CMIP: variants seen among roughly 807,000 people sequenced by gnomAD.
The protein encoded by CMIP is C-Maf-inducing protein.
A neutral mutation model predicts 97.3 loss-of-function variants in CMIP; 13 were observed. The observed-to-expected ratio is 0.13, with a 90% CI of 0.09 to 0.21. CMIP has a LOEUF of 0.21. CMIP is among the 10% of genes least tolerant of loss of function. The probability of loss-of-function intolerance (pLI) is 1.00; values close to 1 mark genes in which losing one functional copy is unlikely to be tolerated. For missense variants in CMIP, 847 were observed against 1,024.9 expected, an observed-to-expected ratio of 0.83 and a Z score of 2.37; for synonymous variants, 538 against 436.3, an observed-to-expected ratio of 1.23 and a Z score of -2.91.
intron 3 of CMIP, among the ~76,000 whole-genome samples, chr16:81,629,106 A>G (rs12934976): frequency 0.057 from 7,439 of 130,264 alleles, 239 homozygotes; most frequent in South Asian, 0.091. Flanking sequence ...ACTATACTCC[A>G]GCCTGGGTGA....
intron 8 of CMIP, among the ~76,000 whole-genome samples, chr16:81,671,693 G>A (rs539638832): frequency 6.6e-6 from 1 of 152,190 alleles, no homozygotes; most frequent in Non-Finnish European, 1.5e-5. Context: ...GAGAGTTTAG[G>A]AGGTTTCCAA....
At position 81,661,039 on chromosome 16, in the gene CMIP, C is replaced by G. The variant is rs1388289242; in HGVS notation, c.744+93C>G. On this transcript the variant is annotated intron_variant, in intron 6 of 20. Transcript: ENST00000537098. ...TGGGTTTGCACAGAAAGGCCAAAAA[C>G]CTGGGCCCCACCGTCTTGGGTCACG... is the stretch of plus-strand genomic sequence containing the variant. The G allele has an allele frequency of 2.7e-6, 4 of 1,501,144 alleles. No individual in the cohort carries two copies. In the African/African-American group the frequency reaches 5.5e-5, roughly 21 times the overall value. 93.0% of individuals were successfully genotyped at this position (1,501,144 alleles called of 1,614,324 possible).
chr16:81,513,894 C>T (rs1204060556), intron 1 of CMIP, among the ~76,000 whole-genome samples: 1 of 152,230 alleles, frequency 6.6e-6, no homozygotes, highest in Non-Finnish European at 1.5e-5. Flanking sequence ...ATTTGCTGCG[C>T]TTCCCTCAGC....
Position 81,543,032 on chromosome 16 carries a change from C to T in CMIP, c.301-64535C>T, listed in dbSNP as rs539266132. Among the ~76,000 whole-genome samples the T allele has an allele frequency of 2.0e-5, 3 of 152,320 alleles. No individual in the cohort carries two copies. In the East Asian group the frequency reaches 5.8e-4, roughly 29 times the overall value. On this transcript the variant is annotated intron_variant, in intron 1 of 20. Coordinates refer to ENST00000537098, the MANE Select transcript of CMIP (RefSeq NM_198390.3). ...GCGAGAGGCCGCTTGGGAGCCAGTC[C>T]GTTCCACGGGGTGCTGGTCTGAGCC...
At chr16:81,688,992 C>T (rs111479502) in intron 10 of CMIP, among the ~76,000 whole-genome samples, 1 of 152,192 alleles carries the variant, frequency 6.6e-6, no homozygotes, top group Non-Finnish European at 1.5e-5. Context: ...TGAACTCATC[C>T]TTTTTTATGG....
At chr16:81,645,012 G>C (rs2092347993) in intron 3 of CMIP, among the ~76,000 whole-genome samples, 1 of 152,216 alleles carries the variant, frequency 6.6e-6, no homozygotes, top group African/African-American at 2.4e-5. Flanking sequence ...CTGCCCGACG[G>C]AGCATTCTGC....
Position 81,689,578 on chromosome 16 carries a change from T to C in CMIP, c.1389-2197T>C, listed in dbSNP as rs1273318565. Among the ~76,000 whole-genome samples the C allele has an allele frequency of 2.6e-5, 4 of 152,214 alleles. No individual in the cohort carries two copies. In the South Asian group the frequency reaches 8.3e-4, roughly 32 times the overall value. On this transcript the variant is annotated intron_variant, in intron 10 of 20. Transcript: ENST00000537098. ...AGCCCTTTGTCAGATGGGTAGATTG[T>C]AAAAATTTTCTCCCATTCTGTAGGT... is the stretch of plus-strand genomic sequence containing the variant.
At chr16:81,551,321 G>C (rs1332851271) in intron 1 of CMIP, among the ~76,000 whole-genome samples, 1 of 152,210 alleles carries the variant, frequency 6.6e-6, no homozygotes, top group Non-Finnish European at 1.5e-5. Flanking sequence ...AAAATGGGGG[G>C]ATTTCCTCTG....
At chr16:81,698,618 A>G (rs1907036106) in intron 14 of CMIP, among the ~76,000 whole-genome samples, 1 of 152,190 alleles carries the variant, frequency 6.6e-6, no homozygotes, top group Non-Finnish European at 1.5e-5. Flanking sequence ...AGTAAAATAC[A>G]CATCATATAA....
At chr16:81,594,448 A>G (rs2091517385) in intron 1 of CMIP, among the ~76,000 whole-genome samples, 1 of 150,988 alleles carries the variant, frequency 6.6e-6, no homozygotes, top group Non-Finnish European at 1.5e-5. Context: ...GTTGTAATCT[A>G]ATTCAAAGTG....
chr16:81,515,248 G>GCTGAA (rs2089889684), intron 1 of CMIP, among the ~76,000 whole-genome samples: 1 of 152,226 alleles, frequency 6.6e-6, no homozygotes, highest in Non-Finnish European at 1.5e-5. Flanking sequence ...GGCAGGTGAG[G>GCTGAA]CTGAACCCTC....
intron 6 of CMIP, among the ~76,000 whole-genome samples, chr16:81,661,782 G>T (rs1223167883): frequency 2.0e-5 from 3 of 152,008 alleles, no homozygotes; most frequent in Non-Finnish European, 4.4e-5. Context: ...AGTCCTCTGT[G>T]TATGTGTCAG....
At chr16:81,559,971 A>C (rs1471730979) in intron 1 of CMIP, among the ~76,000 whole-genome samples, 6 of 151,744 alleles carry the variant, frequency 4.0e-5, no homozygotes, top group Non-Finnish European at 1.5e-5. Context: ...AACGTGTTGA[A>C]TCGCCATGTC....
At chr16:81,589,831 C>G (rs762009604) in intron 1 of CMIP, among the ~76,000 whole-genome samples, 3 of 152,242 alleles carry the variant, frequency 2.0e-5, no homozygotes, top group Non-Finnish European at 4.4e-5. Flanking sequence ...AGCGGGTAAA[C>G]TTAAGGCGCT....
rs189649507 is a variant in CMIP, at chr16:81,701,701, C to G, written c.1797C>G (p.Asn599Lys). The G allele has an allele frequency of 5.6e-6, 9 of 1,613,782 alleles. No homozygotes were observed. In the Admixed American group the frequency reaches 1.2e-4, roughly 21 times the overall value. Residue 599 changes from asparagine to lysine, a missense_variant, in exon 16 of 21, where the codon AAC becomes AAG. Physicochemically the swap from Asn to Lys is moderately conservative, Grantham distance 94. Coordinates refer to ENST00000537098, the MANE Select transcript of CMIP (RefSeq NM_198390.3). ...TGGAATACAACATCATCGACAACAACGACACCCAACTGCAGATCATCTCAA... is the reference window on the plus strand; with the variant it reads ...TGGAATACAACATCATCGACAACAAGGACACCCAACTGCAGATCATCTCAA... The part of the protein sequence containing the change: ...LMLEYNIIDN[N>K]DTQLQIISTL...
At chr16:81,567,831 G>T (rs564952931) in intron 1 of CMIP, among the ~76,000 whole-genome samples, 2 of 152,296 alleles carry the variant, frequency 1.3e-5, no homozygotes, top group South Asian at 4.1e-4. Context: ...GTTCACTGCT[G>T]TATATCTGCA....
chr16:81,644,372 AG>A (rs1413968940), intron 3 of CMIP, among the ~76,000 whole-genome samples: 1 of 152,102 alleles, frequency 6.6e-6, no homozygotes, highest in Non-Finnish European at 1.5e-5. Flanking sequence ...GAATAAGGCC[AG>A]GGGGCTGTGT....
chr16:81,678,517 C>G lies in CMIP; in HGVS notation c.1277C>G (p.Pro426Arg). 6.2e-7 allele frequency: 1 copy of G among 1,604,282 alleles called. No individual in the cohort carries two copies. Among genetic ancestry groups the G allele is most frequent in the Non-Finnish European group, 8.5e-7 (1 of 1,176,328 alleles). Residue 426 changes from proline (P) to arginine (R), a missense_variant, in exon 10 of 21, where the codon CCC becomes CGC. Physicochemically the swap from Pro to Arg is moderately radical, Grantham distance 103 (BLOSUM62 -2). Coordinates refer to ENST00000537098, the MANE Select transcript of CMIP (RefSeq NM_198390.3). ...LTASAGNDSE[P>R]NLIDCLMVSP... ...GCCAGCGCAGGCAACGACAGCGAGC[C>G]CAACCTCATCGACTGCCTCATGGTC...
At chr16:81,708,089 C>A (rs532938880) in intron 20 of CMIP, among the ~76,000 whole-genome samples, 2 of 152,238 alleles carry the variant, frequency 1.3e-5, no homozygotes, top group African/African-American at 2.4e-5. Flanking sequence ...AGTCCCCTTC[C>A]GGGGGATAGT....
Sources: allele counts gnomAD v4.1 joint callset (sites outside exome capture counted in the v4.1 genomes callset), GRCh38; gene constraint gnomAD v4.1.1; transcripts MANE v1.5; gene names NCBI Gene and HGNC (gene_info 2026-07-23, HGNC 2026-07-21).